FYN: variants seen among roughly 807,000 people sequenced by gnomAD.
FYN encodes the protein tyrosine-protein kinase Fyn.
Under a neutral mutation model 70.2 loss-of-function variants are expected in FYN, and 10 were observed. That is an observed-to-expected ratio of 0.14 (90% CI 0.09 to 0.24). The LOEUF (loss-of-function observed/expected upper bound fraction) is 0.24. FYN is among the 10% of genes least tolerant of loss of function. The pLI, the probability that FYN is intolerant of heterozygous loss-of-function variation, is 1.00. For synonymous variants in FYN, 236 were observed against 248.6 expected, an observed-to-expected ratio of 0.95 and a Z score of 0.48; for missense variants, 319 against 673.1, an observed-to-expected ratio of 0.47 and a Z score of 5.82.
In FYN at chr6:111,694,760, AG is replaced by A. The variant is rs779481913; in HGVS notation, c.1043-57del. 1.4e-5 allele frequency: 21 copies of A among 1,464,166 alleles called. No homozygotes were observed. Among genetic ancestry groups the A allele is most frequent in the Non-Finnish European group, 1.9e-5 (20 of 1,056,570 alleles). The allele number at this position is 1,464,166 out of a possible 1,614,324, so 90.7% of individuals were successfully genotyped here. A position where few individuals can be genotyped will look rare whatever the true frequency, so the allele number is the denominator to read the frequency against. On this transcript the variant is annotated intron_variant, in intron 10 of 13. Transcript: ENST00000354650. This position sits in a 1 kb window ranked among gnomAD's most constrained non-coding sequence, Gnocchi z 5.0. Reference sequence around the variant, plus strand: ...TACTTTGAAAGATAATTCCCAACAGAGAGCTGTATTTGGTTTTCTTATTAAA... The same window carrying A: ...TACTTTGAAAGATAATTCCCAACAGAAGCTGTATTTGGTTTTCTTATTAAA...
chr6:111,790,458 T>C (rs1024206622), intron 2 of FYN, among the ~76,000 whole-genome samples: 7 of 152,056 alleles, frequency 4.6e-5, no homozygotes, highest in African/African-American at 1.7e-4. Flanking sequence ...AAATCTCAGA[T>C]CGAGTCTCCC....
chr6:111,777,995 C>T (rs1339515279), intron 3 of FYN, among the ~76,000 whole-genome samples: 2 of 152,196 alleles, frequency 1.3e-5, no homozygotes, highest in Non-Finnish European at 1.5e-5. Context: ...CTTTATGATC[C>T]ATGACCAGAC....
chr6:111,683,173 C>A (rs1798847536), intron 12 of FYN, among the ~76,000 whole-genome samples: 1 of 152,182 alleles, frequency 6.6e-6, no homozygotes, highest in African/African-American at 2.4e-5. Flanking sequence ...CACGGGCAAA[C>A]CCAACAGAGA....
intron 5 of FYN, among the ~76,000 whole-genome samples, chr6:111,712,853 A>G (rs61400263): frequency 1.3e-5 from 2 of 152,346 alleles, no homozygotes; most frequent in East Asian, 1.9e-4. Context: ...AGCAAACTGT[A>G]TACTTTTTGA....
At chr6:111,674,283 TA>T (rs1798439467) in intron 13 of FYN, among the ~76,000 whole-genome samples, 1 of 152,212 alleles carries the variant, frequency 6.6e-6, no homozygotes, top group African/African-American at 2.4e-5. Flanking sequence ...CTACTTACAT[TA>T]ATCCTGGCAC....
At chr6:111,773,628 G>GGGA (rs1562515490) in intron 3 of FYN, among the ~76,000 whole-genome samples, 51 of 74,956 alleles carry the variant, frequency 6.8e-4, no homozygotes, top group Non-Finnish European at 8.2e-4. Context: ...GAGGGGGAAA[G>GGGA]GAGAGGGGGA....
At chr6:111,769,601 C>A (rs1406487919) in intron 3 of FYN, among the ~76,000 whole-genome samples, 1 of 152,100 alleles carries the variant, frequency 6.6e-6, no homozygotes, top group Non-Finnish European at 1.5e-5. Flanking sequence ...TTAATCAAAA[C>A]AGAGGTATAA....
intron 3 of FYN, among the ~76,000 whole-genome samples, chr6:111,755,309 C>A (rs9400496): frequency 0.14 from 20,552 of 152,000 alleles, 2,164 homozygotes; most frequent in African/African-American, 0.29. Context: ...ATAAAAAAAA[C>A]CAGTATTTTG....
intron 5 of FYN, among the ~76,000 whole-genome samples, chr6:111,713,894 A>C (rs1800500516): frequency 6.6e-6 from 1 of 152,266 alleles, no homozygotes; most frequent in Non-Finnish European, 1.5e-5. Flanking sequence ...AATGTTTAGC[A>C]GTTTATAAAA....
intron 12 of FYN, among the ~76,000 whole-genome samples, chr6:111,675,249 T>A (rs776698054): frequency 7.2e-5 from 11 of 152,228 alleles, no homozygotes; most frequent in Non-Finnish European, 1.6e-4. Context: ...AAGATCACTT[T>A]CTTACCACTT....
At chr6:111,669,880 CG>C (rs1310024890) in intron 13 of FYN, among the ~76,000 whole-genome samples, 1 of 151,800 alleles carries the variant, frequency 6.6e-6, no homozygotes, top group Admixed American at 6.6e-5. Context: ...TACACACAAA[CG>C]GGGGGCCCAA....
intron 2 of FYN, among the ~76,000 whole-genome samples, chr6:111,800,824 T>C (rs751123662): frequency 6.6e-6 from 1 of 152,172 alleles, no homozygotes; most frequent in Admixed American, 6.5e-5. Flanking sequence ...GGAAATCAAA[T>C]GCCAGATTAC....
chr6:111,706,081 T>A (rs1800077609), intron 6 of FYN, among the ~76,000 whole-genome samples: 1 of 152,218 alleles, frequency 6.6e-6, no homozygotes, highest in African/African-American at 2.4e-5. Context: ...CTGAAGAAAC[T>A]AATGATACTC....
chr6:111,847,381 G>A (rs1258773783), intron 1 of FYN, among the ~76,000 whole-genome samples: 2 of 152,180 alleles, frequency 1.3e-5, no homozygotes, highest in South Asian at 2.1e-4. Flanking sequence ...CAATATTATG[G>A]TACTTCATTT....
At chr6:111,717,319 T>C (rs1800695814) in intron 4 of FYN, among the ~76,000 whole-genome samples, 1 of 152,258 alleles carries the variant, frequency 6.6e-6, no homozygotes, top group Admixed American at 6.5e-5. Context: ...AAATGTGTTT[T>C]GTTTTAAGCT....
chr6:111,821,815 C>T (rs766917153), intron 2 of FYN, among the ~76,000 whole-genome samples: 8 of 152,072 alleles, frequency 5.3e-5, no homozygotes, highest in Non-Finnish European at 8.8e-5. Context: ...AACAAGTGGG[C>T]GAAGGATATG....
chr6:111,846,009 T>C (rs922024520), intron 2 of FYN, among the ~76,000 whole-genome samples: 2 of 152,176 alleles, frequency 1.3e-5, no homozygotes, highest in Non-Finnish European at 2.9e-5. Context: ...GTACCATCAT[T>C]ACCTGAGTAC....
At chr6:111,668,857 C>T (rs1583283282) in intron 13 of FYN, among the ~76,000 whole-genome samples, 2 of 152,150 alleles carry the variant, frequency 1.3e-5, no homozygotes, top group African/African-American at 4.8e-5. Context: ...CATTCGGCTT[C>T]CCAGTCTCCT....
At chr6:111,867,322 T>C (rs9487739) in intron 1 of FYN, among the ~76,000 whole-genome samples, 16,780 of 151,632 alleles carry the variant, frequency 0.11, 2,100 homozygotes, top group African/African-American at 0.31. Flanking sequence ...GGGTGTGGCG[T>C]TGGGTGCCTG....
Sources: gnomAD v4.1 joint callset for allele counts (sites outside exome capture counted in the v4.1 genomes callset) on GRCh38, gnomAD v4.1.1 for gene constraint, Gnocchi (gnomAD v3.1) non-coding constraint, MANE v1.5 for transcripts, NCBI Gene and HGNC (gene_info 2026-07-23, HGNC 2026-07-21) for gene names.